The following CNTNAP2 variants were observed in gnomAD, a reference collection of about 807,000 sequenced individuals.
CNTNAP2 encodes the protein contactin-associated protein-like 2.
CNTNAP2 carries 98 observed loss-of-function variants against 155.2 expected under a neutral mutation model. The observed-to-expected ratio is 0.63, with a 90% CI of 0.54 to 0.75. The LOEUF (loss-of-function observed/expected upper bound fraction) is 0.75. Among genes scored for constraint, CNTNAP2 ranks in the 30% least tolerant of loss-of-function variants. The pLI is 0.00. For synonymous variants in CNTNAP2, 651 were observed against 631.2 expected, an observed-to-expected ratio of 1.03 and a Z score of -0.47; for missense variants, 1,727 against 1,688.1, an observed-to-expected ratio of 1.02 and a Z score of -0.40.
chr7:146,315,840 A>G (rs1800896669), intron 1 of CNTNAP2, among the ~76,000 whole-genome samples: 1 of 152,206 alleles, frequency 6.6e-6, no homozygotes, highest in African/African-American at 2.4e-5. Context: ...TCTAGCAACA[A>G]AAGAAAATAG....
chr7:147,205,888 G>A lies in CNTNAP2; in HGVS notation c.1348+73379G>A, dbSNP rs1803015188. 2.0e-5 allele frequency among the ~76,000 whole-genome samples: 3 copies of A among 152,064 alleles called. No homozygotes were observed. In the South Asian group the frequency reaches 6.2e-4, roughly 32 times the overall value. On this transcript the variant is annotated intron_variant, in intron 8 of 23. Transcript: ENST00000361727. ...TGCATATTTCAAAGTACCTAAAAGAGTGGAACTGGAAAGTTCCTAAAACAA... is the reference window on the plus strand; with the variant it reads ...TGCATATTTCAAAGTACCTAAAAGAATGGAACTGGAAAGTTCCTAAAACAA...
chr7:147,610,850 C>T (rs1445441208), intron 12 of CNTNAP2, among the ~76,000 whole-genome samples: 1 of 152,076 alleles, frequency 6.6e-6, no homozygotes, highest in Non-Finnish European at 1.5e-5. Context: ...GCGATTCTCC[C>T]ACCTCAGCCT....
chr7:148,091,157 T>C (rs1270788692), intron 15 of CNTNAP2, among the ~76,000 whole-genome samples: 1 of 152,166 alleles, frequency 6.6e-6, no homozygotes, highest in African/African-American at 2.4e-5. Context: ...TTGTACATCA[T>C]AGTGACTACA....
intron 9 of CNTNAP2, among the ~76,000 whole-genome samples, chr7:147,389,150 G>C (rs1378984156): frequency 2.0e-5 from 3 of 152,030 alleles, no homozygotes; most frequent in East Asian, 3.9e-4. Flanking sequence ...AGTTATTCAG[G>C]AAGGTTGAGT....
chr7:147,932,674 A>C (rs1041673634), intron 14 of CNTNAP2, among the ~76,000 whole-genome samples: 1 of 152,228 alleles, frequency 6.6e-6, no homozygotes, highest in African/African-American at 2.4e-5. Context: ...ATATGACACC[A>C]AAAGCACAAA....
At chr7:146,902,054 T>C (rs1406338947) in intron 3 of CNTNAP2, among the ~76,000 whole-genome samples, 2 of 151,968 alleles carry the variant, frequency 1.3e-5, no homozygotes, top group Non-Finnish European at 2.9e-5. Context: ...TTTTCTTTTT[T>C]TTTGTATTTG....
intron 3 of CNTNAP2, among the ~76,000 whole-genome samples, chr7:146,982,435 G>C (rs1798035900): frequency 6.6e-6 from 1 of 152,062 alleles, no homozygotes; most frequent in Admixed American, 6.6e-5. Flanking sequence ...AATTATCCTA[G>C]GTCAGTTCAA....
intron 16 of CNTNAP2, among the ~76,000 whole-genome samples, chr7:148,129,247 G>A (rs17548611): frequency 0.023 from 3,526 of 152,152 alleles, 54 homozygotes; most frequent in Non-Finnish European, 0.038. Flanking sequence ...GGGCATTTTA[G>A]GACAATAAAA....
intron 1 of CNTNAP2, among the ~76,000 whole-genome samples, chr7:146,671,986 T>C (rs987798906): frequency 5.3e-5 from 8 of 151,986 alleles, no homozygotes; most frequent in African/African-American, 1.9e-4. Flanking sequence ...CAAATAATTT[T>C]TGTATTTTTA....
intron 11 of CNTNAP2, among the ~76,000 whole-genome samples, chr7:147,488,809 C>A (rs977485863): frequency 1.3e-5 from 2 of 152,074 alleles, no homozygotes; most frequent in African/African-American, 2.4e-5. Flanking sequence ...TACTTGTACC[C>A]TAGGCCATTT....
intron 21 of CNTNAP2, among the ~76,000 whole-genome samples, chr7:148,329,401 G>A (rs1178819213): frequency 1.3e-5 from 2 of 152,240 alleles, no homozygotes; most frequent in African/African-American, 2.4e-5. Flanking sequence ...TGACAGTCAC[G>A]GACAGCCCCC....
intron 12 of CNTNAP2, among the ~76,000 whole-genome samples, chr7:147,574,416 T>A (rs918095939): frequency 6.6e-6 from 1 of 152,084 alleles, no homozygotes; most frequent in African/African-American, 2.4e-5. Flanking sequence ...ATGTCCTGGC[T>A]TGCTCAGTAC....
intron 1 of CNTNAP2, among the ~76,000 whole-genome samples, chr7:146,229,738 T>TA (rs1320801844): frequency 0.012 from 1,886 of 152,054 alleles, 45 homozygotes; most frequent in African/African-American, 0.043. Context: ...TTTTTCTTAT[T>TA]AAAAAAATCT....
chr7:146,885,445 T>C (rs1795636467), intron 3 of CNTNAP2, among the ~76,000 whole-genome samples: 1 of 152,124 alleles, frequency 6.6e-6, no homozygotes, highest in Admixed American at 6.6e-5. Flanking sequence ...TTAAACAGTG[T>C]TAGGAAATTT....
intron 3 of CNTNAP2, among the ~76,000 whole-genome samples, chr7:146,887,695 A>C (rs79805590): frequency 0.019 from 2,839 of 152,224 alleles, 75 homozygotes; most frequent in African/African-American, 0.063. Context: ...AACAAACAAA[A>C]GAATTAAGTT....
intron 21 of CNTNAP2, among the ~76,000 whole-genome samples, chr7:148,362,785 C>T (rs560522076): frequency 1.3e-5 from 2 of 152,136 alleles, no homozygotes; most frequent in Non-Finnish European, 2.9e-5. Flanking sequence ...CACTCCAGCC[C>T]CATGTTTCAA....
chr7:147,254,306 C>T (rs1183855359), intron 8 of CNTNAP2, among the ~76,000 whole-genome samples: 1 of 152,142 alleles, frequency 6.6e-6, no homozygotes, highest in South Asian at 2.1e-4. Context: ...TACAATAATA[C>T]AGTATTTACA....
At chr7:146,166,603 G>T (rs1798316412) in intron 1 of CNTNAP2, among the ~76,000 whole-genome samples, 1 of 152,124 alleles carries the variant, frequency 6.6e-6, no homozygotes, top group African/African-American at 2.4e-5. Flanking sequence ...ATACACGGTT[G>T]CATACTAGTT....
At chr7:146,427,397 T>G (rs1429113677) in intron 1 of CNTNAP2, among the ~76,000 whole-genome samples, 1 of 152,228 alleles carries the variant, frequency 6.6e-6, no homozygotes, top group Non-Finnish European at 1.5e-5. Flanking sequence ...TGAATAACTG[T>G]GGCTGTGTTT....
Sources: allele counts gnomAD v4.1 joint callset (sites outside exome capture counted in the v4.1 genomes callset), GRCh38; gene constraint gnomAD v4.1.1; transcripts MANE v1.5; gene names NCBI Gene and HGNC (gene_info 2026-07-23, HGNC 2026-07-21).